Variants in PKD1L3 observed in about 807,000 individuals in gnomAD.
PKD1L3 encodes the protein polycystin-1-like protein 3.
PKD1L3 carries 239 observed loss-of-function variants against 184.1 expected under a neutral mutation model. That is an observed-to-expected ratio of 1.30 (90% CI 1.17 to 1.45). PKD1L3 has a LOEUF of 1.45. PKD1L3 is among the 40% of genes most tolerant of loss of function. The pLI, the probability that PKD1L3 is intolerant of heterozygous loss-of-function variation, is 0.00. For synonymous variants in PKD1L3, 996 were observed against 778.8 expected, an observed-to-expected ratio of 1.28 and a Z score of -4.64; for missense variants, 2,660 against 2,067.2, an observed-to-expected ratio of 1.29 and a Z score of -5.56.
At chr16:71,942,413 CTT>C (rs34240701) in intron 24 of PKD1L3, 145 bp downstream of exon 24, 50,944 of 645,690 alleles carry the variant, frequency 0.079, 2,546 homozygotes, top group Middle Eastern at 0.12. Context: ...AATAAAAACA[CTT>C]TTGGAGATGT....
chr16:71,986,081 G>T lies in PKD1L3; in HGVS notation c.834+140C>A, dbSNP rs560190521. 18 of 1,122,494 alleles carry T rather than the reference G, an allele frequency of 1.6e-5. No homozygotes were observed. The African/African-American group carries it at 1.9e-4, about 12-fold the overall frequency. The allele number at this position is 1,122,494 out of a possible 1,614,324, so 69.5% of individuals were successfully genotyped here. A position where few individuals can be genotyped will look rare whatever the true frequency, so the allele number is the denominator to read the frequency against. On this transcript the variant is annotated intron_variant, in intron 5 of 29. Coordinates refer to ENST00000620267, the MANE Select transcript of PKD1L3 (RefSeq NM_181536.2). ...TCAAATTGGCTGTTTCCATGGACTT[G>T]TTTAGTTTTTGTTTTGGATTGGCAT...
At chr16:71,966,592 AT>A (rs960320297) in intron 15 of PKD1L3, among the ~76,000 whole-genome samples, 3 of 151,532 alleles carry the variant, frequency 2.0e-5, no homozygotes, top group African/African-American at 4.8e-5. Context: ...ATGCCTGGCG[AT>A]TTTTTTTGAA....
chr16:71,976,297 G>A (rs1483497460), intron 11 of PKD1L3, among the ~76,000 whole-genome samples: 2 of 75,012 alleles, frequency 2.7e-5, no homozygotes, highest in African/African-American at 5.5e-5. Flanking sequence ...GTCTTGCTCT[G>A]TAGCCTGGAG....
At position 71,942,675 on chromosome 16, in the gene PKD1L3, A is replaced by T. The variant is rs2038401495; in HGVS notation, c.4209T>A (p.His1403Gln). Residue 1403 changes from histidine (H) to glutamine (Q), a missense_variant, in exon 24 of 30, where the codon CAT (histidine) becomes CAA (glutamine). Physicochemically the swap from His to Gln is conservative, Grantham distance 24. Transcript: ENST00000620267. Reference protein sequence around the residue: ...GRPKSLFPGLHLRRFSYICSP... With the variant: ...GRPKSLFPGLQLRRFSYICSP... ...AACAGATGTAACTGAACCTCCTTAG[A>T]TGAAGTCCAGGGAATAGGCTCTTGG... 6.4e-7 allele frequency: 1 copy of T among 1,551,616 alleles called. No homozygotes were observed. The highest frequency in any genetic ancestry group is 2.0e-5 in the Admixed American group (1 of 50,980).
intron 13 of PKD1L3, among the ~76,000 whole-genome samples, chr16:71,969,023 C>T (rs1402077607): frequency 2.0e-5 from 3 of 152,140 alleles, no homozygotes; most frequent in African/African-American, 7.2e-5. Context: ...CTCTGTCTCC[C>T]GGGCTCAAGC....
At chr16:71,936,890 A>G (rs1374403246) in intron 25 of PKD1L3, among the ~76,000 whole-genome samples, 2 of 152,320 alleles carry the variant, frequency 1.3e-5, no homozygotes, top group Middle Eastern at 6.8e-3. Flanking sequence ...TAGCTCCTGA[A>G]AAATTGAAAG....
At chr16:71,930,774 G>A (rs2037924326) in intron 28 of PKD1L3, 1 of 152,016 alleles carries the variant, frequency 6.6e-6, no homozygotes, top group South Asian at 2.1e-4. Context: ...AACAAAAACT[G>A]TTGTTTAAAA....
chr16:71,967,680 G>T (rs927485530), intron 14 of PKD1L3, among the ~76,000 whole-genome samples: 12 of 152,106 alleles, frequency 7.9e-5, no homozygotes, highest in Non-Finnish European at 1.6e-4. Context: ...GGCCAGGCTG[G>T]TCTCAAACTC....
At chr16:71,975,462 C>A (rs554318672) in intron 11 of PKD1L3, among the ~76,000 whole-genome samples, 1 of 152,074 alleles carries the variant, frequency 6.6e-6, no homozygotes, top group African/African-American at 2.4e-5. Context: ...TATCATCAGG[C>A]CTTTCTTCCT....
chr16:71,990,310 G>A lies in PKD1L3; in HGVS notation c.555C>T (p.Thr185=). 2 of 1,548,386 alleles carry A rather than the reference G, an allele frequency of 1.3e-6. No individual in the cohort carries two copies. The highest frequency in any genetic ancestry group is 1.7e-6 in the Non-Finnish European group (2 of 1,144,428). The change falls in exon 4 of 30, where the codon ACC becomes ACT. Residue 185 remains threonine, a synonymous_variant. Transcript: ENST00000620267. ...GAGCAGGAAGAGGATAGTGACATGTGGTTGGAAGATGACCAGGTCCTATAG... is the reference window on the plus strand; with the variant it reads ...GAGCAGGAAGAGGATAGTGACATGTAGTTGGAAGATGACCAGGTCCTATAG... ...KMPPGPGHLP[T]TCHYPLPAHL...
chr16:71,974,783 T>C (rs947008692), intron 11 of PKD1L3, among the ~76,000 whole-genome samples: 1 of 152,224 alleles, frequency 6.6e-6, no homozygotes, highest in African/African-American at 2.4e-5. Flanking sequence ...TAGTGAGCAT[T>C]GCTGCCTCGG....
At chr16:71,953,441 A>C (rs867506936) in intron 17 of PKD1L3, among the ~76,000 whole-genome samples, 18 of 151,518 alleles carry the variant, frequency 1.2e-4, no homozygotes, top group African/African-American at 3.9e-4. Context: ...ACTCACTGTC[A>C]TGGCAGGAGG....
chr16:71,971,564 T>C (rs1410007499), intron 12 of PKD1L3, among the ~76,000 whole-genome samples: 2 of 152,310 alleles, frequency 1.3e-5, no homozygotes, highest in East Asian at 1.9e-4. Flanking sequence ...AAATATCCGA[T>C]GCCTTCTGCA....
At position 71,994,538 on chromosome 16, in the gene PKD1L3, G is replaced by A. The variant is rs550791308; in HGVS notation, c.419-1206C>T. On this transcript the variant is annotated intron_variant, in intron 2 of 29. Transcript: ENST00000620267. The stretch of plus-strand genomic sequence containing the variant: ...CAGATTAAGTACATCATTCCTGCAT[G>A]CTATTTCTTCTGCCTTAAAAAAAAC... Among the ~76,000 whole-genome samples the A allele has an allele frequency of 5.9e-5, 9 of 152,096 alleles. No individual in the cohort carries two copies. In the South Asian group the frequency reaches 1.5e-3, roughly 25 times the overall value.
At chr16:71,943,910 G>T in intron 23 of PKD1L3, 120 bp downstream of exon 23, 1 of 1,192,158 alleles carries the variant, frequency 8.4e-7, no homozygotes, top group Non-Finnish European at 1.2e-6. Flanking sequence ...AATCTCACAG[G>T]GTGAAGATTT....
intron 2 of PKD1L3, among the ~76,000 whole-genome samples, chr16:71,996,441 A>C (rs1160421082): frequency 6.6e-6 from 1 of 151,528 alleles, no homozygotes; most frequent in African/African-American, 2.4e-5. Context: ...TTGTATTTTT[A>C]GTAGAGACTG....
chr16:71,998,488 T>C, intron 1 of PKD1L3, 94 bp from the exon 2 acceptor site: 1 of 1,446,146 alleles, frequency 6.9e-7, no homozygotes, highest in South Asian at 1.5e-5. Context: ...TCCCACTCAG[T>C]CACCCAAGCT....
Position 71,935,455 on chromosome 16 carries a change from T to C in PKD1L3, c.4516A>G (p.Ser1506Gly). The C allele has an allele frequency of 6.4e-7, 1 of 1,552,184 alleles. No individual in the cohort carries two copies. The highest frequency in any genetic ancestry group is 1.2e-5 in the South Asian group (1 of 84,054). Residue 1506 changes from serine to glycine, a missense_variant, in exon 26 of 30, where the codon AGT becomes GGT. Ser to Gly is a moderately conservative substitution (Grantham distance 56). Coordinates refer to ENST00000620267, the MANE Select transcript of PKD1L3 (RefSeq NM_181536.2). ...AGGATGAAGCTAATGAGGATTATACTTGTGTCCAGAATGTTTCTTTTCCCA... is the reference window on the plus strand; with the variant it reads ...AGGATGAAGCTAATGAGGATTATACCTGTGTCCAGAATGTTTCTTTTCCCA... Reference protein sequence around the residue: ...FTGKRNILDTSIILISFILLG... With the variant: ...FTGKRNILDTGIILISFILLG...
intron 12 of PKD1L3, among the ~76,000 whole-genome samples, chr16:71,971,677 G>A (rs1360797787): frequency 6.6e-6 from 1 of 152,210 alleles, no homozygotes; most frequent in Non-Finnish European, 1.5e-5. Context: ...AAGCTTGTTA[G>A]AAAGGCCTGA....
Sources: allele counts gnomAD v4.1 joint callset (sites outside exome capture counted in the v4.1 genomes callset), GRCh38; gene constraint gnomAD v4.1.1; transcripts MANE v1.5; gene names NCBI Gene and HGNC (gene_info 2026-07-23, HGNC 2026-07-21).